The following DNAH8 variants were observed in gnomAD, a reference collection of about 807,000 sequenced individuals.
The protein encoded by DNAH8 is dynein axonemal heavy chain 8, also known as axonemal beta dynein heavy chain 8.
Under a neutral mutation model 562.1 loss-of-function variants are expected in DNAH8, and 382 were observed. That is an observed-to-expected ratio of 0.68 (90% CI 0.63 to 0.74). The LOEUF is 0.74. DNAH8 is among the 30% of genes least tolerant of loss of function. DNAH8 has a pLI of 0.00. For missense variants in DNAH8, 5,203 were observed against 5,620.4 expected (o/e 0.93, Z 2.37); for synonymous variants, 1,881 against 1,919.4 (o/e 0.98, Z 0.52).
chr6:38,963,098 C>A (rs1762719840), intron 82 of DNAH8, among the ~76,000 whole-genome samples: 1 of 152,036 alleles, frequency 6.6e-6, no homozygotes. Flanking sequence ...CAACCAAACA[C>A]AACCTGTTCC....
At chr6:38,990,842 AT>A (rs1219624782) in intron 88 of DNAH8, among the ~76,000 whole-genome samples, 2 of 152,158 alleles carry the variant, frequency 1.3e-5, no homozygotes, top group African/African-American at 2.4e-5. Flanking sequence ...TCTCTTTAGG[AT>A]CCCTACCAAA....
intron 33 of DNAH8, among the ~76,000 whole-genome samples, chr6:38,840,486 T>C (rs1198829763): frequency 6.6e-6 from 1 of 152,188 alleles, no homozygotes; most frequent in Non-Finnish European, 1.5e-5. Context: ...ATAGTTTAGG[T>C]TCTTGTTGCA....
In DNAH8 at chr6:38,756,035, A is replaced by T. The variant is rs1265006042; in HGVS notation, c.1471A>T (p.Arg491Trp). The T allele has an allele frequency of 1.2e-6, 2 of 1,610,476 alleles. No homozygotes were observed. The highest frequency in any genetic ancestry group is 1.7e-6 in the Non-Finnish European group (2 of 1,177,000). Residue 491 changes from arginine to tryptophan, a missense_variant, in exon 10 of 93, where the codon AGG (arginine) becomes TGG (tryptophan). Arg to Trp is a moderately radical substitution (Grantham distance 101, BLOSUM62 -3). Coordinates refer to ENST00000327475, the MANE Select transcript of DNAH8 (RefSeq NM_001206927.2). ...CATCAGAATGATTCACGGTGTGTCA[A>T]GGTATTATAATACCTCAGAGAGAAT... ...NAIRMIHGVSRYYNTSERMTS... is the reference protein window; with the variant it reads ...NAIRMIHGVSWYYNTSERMTS...
intron 88 of DNAH8, 83 bp from the exon 89 acceptor site, chr6:39,008,731 T>G: frequency 2.7e-6 from 2 of 733,484 alleles, no homozygotes; most frequent in Non-Finnish European, 4.2e-6. Context: ...ATTTAAGTGA[T>G]TCTATCAGTT....
At chr6:38,779,319 G>A (rs1768361651) in intron 14 of DNAH8, among the ~76,000 whole-genome samples, 1 of 152,136 alleles carries the variant, frequency 6.6e-6, no homozygotes, top group South Asian at 2.1e-4. Flanking sequence ...TGACAGTACT[G>A]CACAGATGGC....
chr6:38,751,002 A>C (rs56289566), intron 9 of DNAH8, among the ~76,000 whole-genome samples: 27,898 of 152,138 alleles, frequency 0.18, 3,322 homozygotes, highest in Non-Finnish European at 0.27. Context: ...TATTACTTAT[A>C]CTTTGCTGCA....
intron 37 of DNAH8, 90 bp downstream of exon 37, chr6:38,848,891 A>C: frequency 1.5e-6 from 2 of 1,306,208 alleles, no homozygotes; most frequent in Non-Finnish European, 2.2e-6. Context: ...ACATATGGTC[A>C]AGGCTTGACT....
In DNAH8 at chr6:38,894,808, A is replaced by G. The variant is rs1779567810; in HGVS notation, c.8691A>G (p.Ser2897=). 1.2e-6 allele frequency: 2 copies of G among 1,613,982 alleles called. No individual in the cohort carries two copies. Among genetic ancestry groups the G allele is most frequent in the Admixed American group, 1.7e-5 (1 of 60,004 alleles). Residue 2897 remains serine (S), a synonymous_variant, in exon 59 of 93, where the codon TCA becomes TCG. Transcript: ENST00000327475. ...MLTIKAEECA[S]IPTLLSLFKH... is the part of the protein sequence containing the mutation. ...CCATAAAAGCTGAGGAGTGCGCTTC[A>G]ATCCCTACTCTCCTGTCCCTTTTCA...
intron 75 of DNAH8, among the ~76,000 whole-genome samples, chr6:38,930,662 G>A (rs906301161): frequency 6.6e-6 from 1 of 152,118 alleles, no homozygotes; most frequent in Non-Finnish European, 1.5e-5. Flanking sequence ...AAATTTTGGT[G>A]ACTGGCTTGG....
At chr6:39,030,083 A>G in intron 92 of DNAH8, 22 bp from the exon 93 acceptor site, 2 of 1,597,018 alleles carry the variant, frequency 1.3e-6, no homozygotes, top group South Asian at 2.2e-5. Context: ...AAATCCTATT[A>G]CCTTATGCTT....
intron 56 of DNAH8, 87 bp from the exon 57 acceptor site, chr6:38,886,704 T>C: frequency 1.9e-6 from 2 of 1,059,192 alleles, no homozygotes; most frequent in Non-Finnish European, 2.9e-6. Flanking sequence ...TAATGTTTTC[T>C]TCTAATCTCA....
intron 56 of DNAH8, among the ~76,000 whole-genome samples, chr6:38,884,264 G>A (rs1223680824): frequency 1.3e-5 from 2 of 151,900 alleles, no homozygotes; most frequent in African/African-American, 2.4e-5. Flanking sequence ...ATGTATACAT[G>A]TGCCATGTTG....
At chr6:39,023,423 G>C (rs1466573467) in intron 91 of DNAH8, among the ~76,000 whole-genome samples, 1 of 152,194 alleles carries the variant, frequency 6.6e-6, no homozygotes, top group Non-Finnish European at 1.5e-5. Context: ...AACCCGGGAG[G>C]TGGAGCTTGC....
rs144785429 is a variant in DNAH8, at chr6:38,785,343, C to T, written c.2396-1422C>T. Among the ~76,000 whole-genome samples the T allele has an allele frequency of 3.3e-5, 5 of 152,192 alleles. No homozygotes were observed. The East Asian group carries it at 5.8e-4, about 18-fold the overall frequency. On this transcript the variant is annotated intron_variant, in intron 17 of 92. Transcript: ENST00000327475. Reference sequence around the variant, plus strand: ...AGTTTCTCTGATGGTGGTTCACATACGATGAAATGCTTGTCTTGTCCTGGA... The same window carrying T: ...AGTTTCTCTGATGGTGGTTCACATATGATGAAATGCTTGTCTTGTCCTGGA...
chr6:38,926,473 C>T (rs1035876649), intron 74 of DNAH8, among the ~76,000 whole-genome samples: 12 of 152,134 alleles, frequency 7.9e-5, no homozygotes, highest in African/African-American at 2.4e-4. Context: ...GCTTTTGTTC[C>T]GGGCCTTGGG....
intron 58 of DNAH8, among the ~76,000 whole-genome samples, chr6:38,892,402 A>G (rs1561827058): frequency 6.6e-6 from 1 of 152,148 alleles, no homozygotes. Flanking sequence ...TTTAAATACA[A>G]TCCTCTCTCA....
At chr6:38,787,194 A>G (rs927288945) in intron 18 of DNAH8, among the ~76,000 whole-genome samples, 2 of 152,076 alleles carry the variant, frequency 1.3e-5, no homozygotes, top group Admixed American at 6.6e-5. Context: ...TGACTGACGA[A>G]ATAGCAAGTT....
In DNAH8 at chr6:38,737,986, A is replaced by G. The variant is rs562929824; in HGVS notation, c.1116+14A>G. On this transcript the variant is annotated intron_variant, in intron 7 of 92. Coordinates refer to ENST00000327475, the MANE Select transcript of DNAH8 (RefSeq NM_001206927.2). The stretch of plus-strand genomic sequence containing the variant: ...CAGATCGAACAGGTGAATTGACTCA[A>G]ACAATTGCATCTGGACTAGTAGTTT... 315 of 1,607,748 alleles carry G rather than the reference A, an allele frequency of 2.0e-4. No individual in the cohort carries two copies. The highest frequency in any genetic ancestry group is 2.5e-4 in the Non-Finnish European group (297 of 1,176,874).
Position 38,849,934 on chromosome 6 carries a change from G to A in DNAH8, c.5200-317G>A, listed in dbSNP as rs1388351045. The stretch of plus-strand genomic sequence containing the variant: ...CTCAAACCAAAACACCTGGGGTGCT[G>A]AAACACTAGATTGGAACTTTAAGTT... On this transcript the variant is annotated intron_variant, in intron 37 of 92. Transcript: ENST00000327475. 2.0e-5 allele frequency among the ~76,000 whole-genome samples: 3 copies of A among 152,058 alleles called. No individual in the cohort carries two copies. In the East Asian group the frequency reaches 5.8e-4, roughly 29 times the overall value.
Sources: gnomAD v4.1 joint callset for allele counts (sites outside exome capture counted in the v4.1 genomes callset) on GRCh38, gnomAD v4.1.1 for gene constraint, MANE v1.5 for transcripts, NCBI Gene and HGNC (gene_info 2026-07-23, HGNC 2026-07-21) for gene names.